The following ANKS1B variants were observed in gnomAD, a reference collection of about 807,000 sequenced individuals.
ANKS1B encodes the protein ankyrin repeat and sterile alpha motif domain-containing protein 1B.
In ANKS1B, 36 loss-of-function variants were observed where a neutral mutation model predicts 148.3. The observed-to-expected ratio is 0.24, with a 90% confidence interval of 0.19 to 0.32. The LOEUF (loss-of-function observed/expected upper bound fraction) is 0.32. Ranked by LOEUF, ANKS1B falls within the 10% of genes least tolerant of loss-of-function variation. The pLI, the probability that ANKS1B is intolerant of heterozygous loss-of-function variation, is 1.00. For missense variants in ANKS1B, 1,157 were observed against 1,542.6 expected, an observed-to-expected ratio of 0.75 and a Z score of 4.19; for synonymous variants, 542 against 560.8, an observed-to-expected ratio of 0.97 and a Z score of 0.47.
chr12:98,799,082 A>T, intron 21 of ANKS1B, 77 bp from the exon 22 acceptor site: 2 of 1,030,326 alleles, frequency 1.9e-6, no homozygotes, highest in Non-Finnish European at 2.7e-6. Flanking sequence ...AAATTGTGGA[A>T]GTATTACTGG....
At chr12:99,652,322 A>C (rs772692134) in intron 9 of ANKS1B, among the ~76,000 whole-genome samples, 1 of 151,992 alleles carries the variant, frequency 6.6e-6, no homozygotes, top group Non-Finnish European at 1.5e-5. Context: ...AAAACACAAA[A>C]ATTAGCCAAG....
At chr12:98,974,706 G>A (rs1030032580) in intron 17 of ANKS1B, among the ~76,000 whole-genome samples, 13 of 152,098 alleles carry the variant, frequency 8.5e-5, no homozygotes, top group African/African-American at 3.1e-4. Context: ...GGTAGGCCTC[G>A]TAGACAAATC....
chr12:98,740,132 G>A (rs999046766), downstream of ANKS1B, among the ~76,000 whole-genome samples: 3 of 152,136 alleles, frequency 2.0e-5, no homozygotes, highest in African/African-American at 7.2e-5. Flanking sequence ...GGAGTGTGGT[G>A]GTATGTGTGT....
chr12:99,002,089 C>T (rs941407423), intron 17 of ANKS1B, among the ~76,000 whole-genome samples: 5 of 152,108 alleles, frequency 3.3e-5, no homozygotes, highest in South Asian at 2.1e-4. Flanking sequence ...TTGACTATTA[C>T]GAATAATGCT....
intron 12 of ANKS1B, among the ~76,000 whole-genome samples, chr12:99,378,789 T>C (rs1247008453): frequency 6.6e-6 from 1 of 151,922 alleles, no homozygotes; most frequent in Non-Finnish European, 1.5e-5. Flanking sequence ...TCACTTATTA[T>C]AACAATAAAG....
At chr12:99,024,328 C>G (rs1484164307) in intron 17 of ANKS1B, among the ~76,000 whole-genome samples, 1 of 152,148 alleles carries the variant, frequency 6.6e-6, no homozygotes, top group Non-Finnish European at 1.5e-5. Context: ...GTATATTTAT[C>G]TAGTTCACTG....
chr12:98,950,592 C>A (rs1285918234), intron 17 of ANKS1B, among the ~76,000 whole-genome samples: 1 of 152,080 alleles, frequency 6.6e-6, no homozygotes, highest in African/African-American at 2.4e-5. Context: ...TATTTCTCAT[C>A]AAAATGAACT....
chr12:99,375,948 G>A (rs1477088027), intron 12 of ANKS1B, among the ~76,000 whole-genome samples: 1 of 152,180 alleles, frequency 6.6e-6, no homozygotes, highest in African/African-American at 2.4e-5. Context: ...TGAAGAACTA[G>A]AACGTGGAAT....
At chr12:99,483,667 T>C (rs938801729) in intron 10 of ANKS1B, among the ~76,000 whole-genome samples, 2 of 151,972 alleles carry the variant, frequency 1.3e-5, no homozygotes, top group African/African-American at 2.4e-5. Context: ...AATTATGGAT[T>C]CAATCCACTG....
chr12:98,827,447 T>C (rs375220240), intron 19 of ANKS1B, among the ~76,000 whole-genome samples: 10 of 152,278 alleles, frequency 6.6e-5, no homozygotes, highest in East Asian at 5.8e-4. Context: ...TTTTAGGCTT[T>C]TTTCACCTGG....
intron 14 of ANKS1B, among the ~76,000 whole-genome samples, chr12:99,174,792 A>T (rs1029679006): frequency 6.6e-6 from 1 of 152,212 alleles, no homozygotes; most frequent in Non-Finnish European, 1.5e-5. Flanking sequence ...AATATAAAAA[A>T]ATTATATTTT....
intron 10 of ANKS1B, among the ~76,000 whole-genome samples, chr12:99,498,982 T>C (rs1912861): frequency 0.26 from 39,601 of 151,974 alleles, 5,992 homozygotes; most frequent in African/African-American, 0.42. Flanking sequence ...TTGGAAGTAA[T>C]AGGATTGATG....
intron 8 of ANKS1B, among the ~76,000 whole-genome samples, chr12:99,659,566 C>A (rs11833150): frequency 0.24 from 36,009 of 151,642 alleles, 4,701 homozygotes; most frequent in Non-Finnish European, 0.28. Flanking sequence ...CAAAGAAAAA[C>A]ACTTTTGAGA....
chr12:99,169,015 T>G (rs554331359), intron 14 of ANKS1B, among the ~76,000 whole-genome samples: 1 of 152,312 alleles, frequency 6.6e-6, no homozygotes, highest in Non-Finnish European at 1.5e-5. Flanking sequence ...CTTAATTAGG[T>G]TCGAGTTCAT....
intron 14 of ANKS1B, among the ~76,000 whole-genome samples, chr12:99,160,972 G>A (rs1437454926): frequency 1.3e-5 from 2 of 152,138 alleles, no homozygotes; most frequent in Non-Finnish European, 2.9e-5. Context: ...CAGGGAATGC[G>A]ATGCCTCTGG....
chr12:98,738,461 C>T (rs907957035), intron 9 of ANKS1B, among the ~76,000 whole-genome samples: 1 of 152,260 alleles, frequency 6.6e-6, no homozygotes, highest in Non-Finnish European at 1.5e-5. Flanking sequence ...AGTGGAGACT[C>T]CTGCTGTTCT....
intron 4 of ANKS1B, among the ~76,000 whole-genome samples, chr12:99,786,761 A>G (rs1027565874): frequency 1.3e-5 from 2 of 152,206 alleles, no homozygotes; most frequent in Non-Finnish European, 2.9e-5. Context: ...CTGTAAAAGT[A>G]CACTTTCAAC....
intron 24 of ANKS1B, among the ~76,000 whole-genome samples, chr12:98,780,405 A>C (rs972613231): frequency 6.6e-6 from 1 of 152,242 alleles, no homozygotes; most frequent in African/African-American, 2.4e-5. Flanking sequence ...CTACTTCAGC[A>C]CCACGATGCT....
intron 17 of ANKS1B, among the ~76,000 whole-genome samples, chr12:98,935,602 C>T (rs574441869): frequency 6.6e-6 from 1 of 152,104 alleles, no homozygotes; most frequent in Non-Finnish European, 1.5e-5. Context: ...GTAATTTGGT[C>T]CTGGGATTTT....
Sources: allele counts gnomAD v4.1 joint callset (sites outside exome capture counted in the v4.1 genomes callset), GRCh38; gene constraint gnomAD v4.1.1; transcripts MANE v1.5; gene names NCBI Gene and HGNC (gene_info 2026-07-23, HGNC 2026-07-21).